The following NEDD4L variants were observed in gnomAD, a reference collection of about 807,000 sequenced individuals.
NEDD4L encodes the protein E3 ubiquitin-protein ligase NEDD4-like.
A neutral mutation model predicts 148.9 loss-of-function variants in NEDD4L; 54 were observed. The ratio of observed to expected loss-of-function variants is 0.36; its 90% CI spans 0.29 to 0.45. The LOEUF (loss-of-function observed/expected upper bound fraction) is 0.45, where lower values mean the gene tolerates loss of function less well. NEDD4L is among the 20% of genes least tolerant of loss of function. The pLI, the probability that NEDD4L is intolerant of heterozygous loss-of-function variation, is 1.00. For missense variants in NEDD4L, 856 were observed against 1,233.8 expected (o/e 0.69, Z 4.59); for synonymous variants, 433 against 440.7 (o/e 0.98, Z 0.22).
intron 1 of NEDD4L, among the ~76,000 whole-genome samples, chr18:58,137,486 G>T (rs1025486874): frequency 6.6e-6 from 1 of 152,158 alleles, no homozygotes; most frequent in African/African-American, 2.4e-5. Context: ...GCTGGGAAAG[G>T]CCATAAGGAT....
chr18:58,203,675 T>G (rs1302911152), intron 2 of NEDD4L, among the ~76,000 whole-genome samples: 2 of 151,110 alleles, frequency 1.3e-5, no homozygotes. Context: ...AAAATAACCA[T>G]GACTGGTAAA....
intron 1 of NEDD4L, among the ~76,000 whole-genome samples, chr18:58,140,105 A>G (rs1439133349): frequency 6.6e-6 from 1 of 152,146 alleles, no homozygotes; most frequent in Non-Finnish European, 1.5e-5. Flanking sequence ...CTAGATTTGG[A>G]ACATCCAGAA....
chr18:58,163,554 T>G (rs2036487143), intron 1 of NEDD4L, among the ~76,000 whole-genome samples: 1 of 152,254 alleles, frequency 6.6e-6, no homozygotes, highest in Non-Finnish European at 1.5e-5. Context: ...GGTGTTACTT[T>G]ACATCCCTTA....
chr18:58,268,122 G>C (rs940603891), intron 5 of NEDD4L, among the ~76,000 whole-genome samples: 2 of 152,006 alleles, frequency 1.3e-5, no homozygotes, highest in African/African-American at 4.8e-5. Flanking sequence ...CCCCCCAATG[G>C]GGTTCAGAAG....
rs1474918614 is a variant in NEDD4L at position 58,401,367 on chromosome 18, TTTC to T, written c.*5101_*5103del. On this transcript the variant is annotated 3_prime_UTR_variant, in exon 31 of 31. Transcript: ENST00000400345. ...GTTGAATTTGATACACACAGGAAGT[TTTC>T]TTGAAGAACAATCCTTTCGCTTTTC... 1 of 152,224 alleles carries T rather than the reference TTTC, an allele frequency of 6.6e-6. No homozygotes were observed. Among genetic ancestry groups the T allele is most frequent in the Non-Finnish European group, 1.5e-5 (1 of 68,040 alleles). 9.4% of individuals were successfully genotyped at this position (152,224 alleles called of 1,614,324 possible).
chr18:58,068,204 T>C (rs1026063154), intron 1 of NEDD4L, among the ~76,000 whole-genome samples: 1 of 122,356 alleles, frequency 8.2e-6, no homozygotes, highest in Non-Finnish European at 1.6e-5. Flanking sequence ...TTTTTTTTTT[T>C]TTTGTTTTGT....
intron 19 of NEDD4L, among the ~76,000 whole-genome samples, chr18:58,360,540 T>C (rs1418699422): frequency 1.3e-5 from 2 of 152,242 alleles, no homozygotes; most frequent in Non-Finnish European, 2.9e-5. Flanking sequence ...AATTTGCTTT[T>C]GTCTTCATAG....
At chr18:58,322,917 T>G (rs2058961586) in intron 7 of NEDD4L, among the ~76,000 whole-genome samples, 1 of 87,448 alleles carries the variant, frequency 1.1e-5, no homozygotes, top group Non-Finnish European at 2.1e-5. Context: ...CTGCCCTGCA[T>G]GCTGTGGGTA....
chr18:58,391,645 C>A, intron 30 of NEDD4L, 86 bp downstream of exon 30: 1 of 898,932 alleles, frequency 1.1e-6, no homozygotes, highest in South Asian at 1.5e-5. Context: ...ATTGAATGCT[C>A]TGTTTCCTGT....
intron 1 of NEDD4L, among the ~76,000 whole-genome samples, chr18:58,123,436 C>T (rs12957255): frequency 0.29 from 43,997 of 152,068 alleles, 6,720 homozygotes; most frequent in Non-Finnish European, 0.35. Flanking sequence ...ACCCCCTTTC[C>T]GGTGCCCTCA....
At chr18:58,112,304 A>C (rs990964370) in intron 1 of NEDD4L, among the ~76,000 whole-genome samples, 5 of 151,914 alleles carry the variant, frequency 3.3e-5, no homozygotes, top group Non-Finnish European at 5.9e-5. Context: ...TTAGACCAAA[A>C]ATTACATCCT....
intron 5 of NEDD4L, among the ~76,000 whole-genome samples, chr18:58,272,816 T>C (rs750178439): frequency 1.3e-5 from 2 of 152,312 alleles, no homozygotes; most frequent in Non-Finnish European, 2.9e-5. Context: ...AAGTAGTACA[T>C]AAGACAGATG....
intron 5 of NEDD4L, among the ~76,000 whole-genome samples, chr18:58,253,645 T>G (rs946768795): frequency 1.3e-5 from 2 of 152,218 alleles, no homozygotes; most frequent in East Asian, 3.8e-4. Context: ...TCTCCAATTA[T>G]TGAGTATAAT....
At chr18:58,288,182 AAG>A (rs1221932662) in intron 5 of NEDD4L, among the ~76,000 whole-genome samples, 3 of 152,232 alleles carry the variant, frequency 2.0e-5, no homozygotes, top group African/African-American at 7.2e-5. Flanking sequence ...GTAAACAAAA[AAG>A]AGAGCACAAA....
chr18:58,062,302 T>C (rs2082369248), intron 1 of NEDD4L, among the ~76,000 whole-genome samples: 2 of 152,122 alleles, frequency 1.3e-5, no homozygotes, highest in East Asian at 1.9e-4. Flanking sequence ...TCTGTTGTCC[T>C]GAAAGGTGCC....
intron 5 of NEDD4L, among the ~76,000 whole-genome samples, chr18:58,286,241 G>A (rs763118878): frequency 3.9e-5 from 6 of 152,188 alleles, no homozygotes; most frequent in Non-Finnish European, 7.3e-5. Context: ...ATATTTGCCT[G>A]TAGAAGTGCA....
chr18:58,371,280 C>G (rs1056182683), intron 23 of NEDD4L, among the ~76,000 whole-genome samples: 7 of 144,540 alleles, frequency 4.8e-5, no homozygotes, highest in African/African-American at 1.8e-4. Flanking sequence ...GTCTCGATCT[C>G]CTGACCTCAT....
rs191736163 is a variant in NEDD4L at position 58,221,698 on chromosome 18, C to T, written c.123-23729C>T. 6.1e-6 allele frequency: 6 copies of T among 985,336 alleles called. No homozygotes were observed. The South Asian group carries it at 1.4e-4, about 23-fold the overall frequency. 61.0% of individuals were successfully genotyped at this position (985,336 alleles called of 1,614,324 possible). A position where few individuals can be genotyped will look rare whatever the true frequency, so the allele number is the denominator to read the frequency against. On this transcript the variant is annotated intron_variant, in intron 2 of 30. Coordinates refer to ENST00000400345, the MANE Select transcript of NEDD4L (RefSeq NM_001144967.3). ...GGTCACCAAGGTAGATTTCCAGCAG[C>T]GCTAGTCCAGCTGAACACTTTCCAG...
chr18:58,341,942 C>T, intron 15 of NEDD4L, 145 bp downstream of exon 15: 1 of 868,974 alleles, frequency 1.2e-6, no homozygotes, highest in Non-Finnish European at 1.8e-6. Context: ...TCTTGTGCAG[C>T]CTTTCTACCT....
Sources: gnomAD v4.1 joint callset for allele counts (sites outside exome capture counted in the v4.1 genomes callset) on GRCh38, gnomAD v4.1.1 for gene constraint, MANE v1.5 for transcripts, NCBI Gene and HGNC (gene_info 2026-07-23, HGNC 2026-07-21) for gene names.